Variants in SYCP2L observed in about 807,000 individuals in gnomAD.
The protein encoded by SYCP2L is synaptonemal complex protein 2 like.
In SYCP2L, 98 loss-of-function variants were observed where a neutral mutation model predicts 125.8. The observed-to-expected ratio is 0.78, with a 90% confidence interval of 0.66 to 0.92. The LOEUF is 0.92. SYCP2L is among the 40% of genes least tolerant of loss of function. SYCP2L has a pLI of 0.00. For synonymous variants in SYCP2L, 317 were observed against 325.4 expected, an observed-to-expected ratio of 0.97 and a Z score of 0.28; for missense variants, 842 against 936.4, an observed-to-expected ratio of 0.90 and a Z score of 1.32.
chr6:10,891,609 C>CCGTGTG (rs1554104115), intron 2 of SYCP2L, 28 bp downstream of exon 2: 2 of 717,860 alleles, frequency 2.8e-6, no homozygotes, highest in African/African-American at 4.7e-5. Context: ...TTTATAATCT[C>CCGTGTG]TCTCTGTGTG....
intron 12 of SYCP2L, 43 bp downstream of exon 12, chr6:10,910,912 GA>G: frequency 6.2e-7 from 1 of 1,607,000 alleles, no homozygotes; most frequent in Non-Finnish European, 8.5e-7. Flanking sequence ...GGTGTGCAGT[GA>G]AACCAGGAGT....
At chr6:10,887,235 C>T (rs1561676475) in intron 1 of SYCP2L, 100 bp downstream of exon 1, 3 of 1,513,118 alleles carry the variant, frequency 2.0e-6, no homozygotes, top group South Asian at 2.3e-5. Flanking sequence ...TTGAGGTGTT[C>T]GCTCAGAGAC....
chr6:10,897,824 T>C (rs989420347), intron 4 of SYCP2L, among the ~76,000 whole-genome samples, 187 bp from the exon 5 acceptor site: 5 of 152,192 alleles, frequency 3.3e-5, no homozygotes, highest in Non-Finnish European at 5.9e-5. Context: ...ATGACAGCTC[T>C]GTAGTAGTAT....
chr6:10,936,368 G>C (rs982632601), intron 21 of SYCP2L, among the ~76,000 whole-genome samples: 7 of 151,904 alleles, frequency 4.6e-5, no homozygotes, highest in African/African-American at 7.3e-5. Flanking sequence ...ATGGTGGCAG[G>C]CACCTGTAGT....
intron 1 of SYCP2L, among the ~76,000 whole-genome samples, chr6:10,889,064 A>G (rs1193228692): frequency 1.3e-5 from 2 of 151,838 alleles, no homozygotes; most frequent in Non-Finnish European, 2.9e-5. Flanking sequence ...GTTTCACCAT[A>G]TTGGACAGGC....
chr6:10,887,528 A>G (rs747474286), intron 1 of SYCP2L, among the ~76,000 whole-genome samples: 1 of 152,200 alleles, frequency 6.6e-6, no homozygotes, highest in Non-Finnish European at 1.5e-5. Context: ...TAACCGAACG[A>G]CAAAGGACAG....
At chr6:10,918,674 T>C (rs988218685) in intron 14 of SYCP2L, among the ~76,000 whole-genome samples, 4 of 151,992 alleles carry the variant, frequency 2.6e-5, no homozygotes, top group Non-Finnish European at 5.9e-5. Context: ...GTAGCTGGGA[T>C]TACAGGCACG....
chr6:10,891,328 G>A (rs574439105), intron 1 of SYCP2L, among the ~76,000 whole-genome samples, 185 bp from the exon 2 acceptor site: 1 of 150,914 alleles, frequency 6.6e-6, no homozygotes, highest in African/African-American at 2.4e-5. Flanking sequence ...GTTGGATAAA[G>A]TTTTTCTCTT....
chr6:10,962,503 G>C (rs995468812), intron 28 of SYCP2L, among the ~76,000 whole-genome samples: 2 of 151,942 alleles, frequency 1.3e-5, no homozygotes, highest in Non-Finnish European at 2.9e-5. Flanking sequence ...GGTTCTCCAA[G>C]GTCTTGGAAT....
In SYCP2L at chr6:10,912,990, G is replaced by C; in HGVS notation, c.1072+63G>C. 2 of 1,466,498 alleles carry C rather than the reference G, an allele frequency of 1.4e-6. No individual in the cohort carries two copies. The highest frequency in any genetic ancestry group is 2.3e-5 in the South Asian group (2 of 85,142). 90.8% of individuals were successfully genotyped at this position (1,466,498 alleles called of 1,614,324 possible). ...AAATATTATTTCTGTTGTATATGCA[G>C]TGTGTATTTATTTAATTCTAGGGCA... On this transcript the variant is annotated intron_variant, in intron 14 of 29. Coordinates refer to ENST00000283141, the MANE Select transcript of SYCP2L (RefSeq NM_001040274.3). The surrounding 1 kb of genome is among the most constrained non-coding windows in gnomAD (Gnocchi z 4.1).
At chr6:10,889,819 C>T (rs187076498) in intron 1 of SYCP2L, among the ~76,000 whole-genome samples, 1 of 152,080 alleles carries the variant, frequency 6.6e-6, no homozygotes, top group Non-Finnish European at 1.5e-5. Flanking sequence ...AGGGTTTTGT[C>T]ATGTTGGCCA....
intron 28 of SYCP2L, among the ~76,000 whole-genome samples, chr6:10,962,954 C>G (rs1781618968): frequency 6.6e-6 from 1 of 152,178 alleles, no homozygotes. Flanking sequence ...CCTTTGGTTT[C>G]TTAGGGTTTC....
At chr6:10,897,429 A>G (rs1217878892) in intron 4 of SYCP2L, among the ~76,000 whole-genome samples, 40 of 116,618 alleles carry the variant, frequency 3.4e-4, no homozygotes, top group Non-Finnish European at 4.6e-4. Flanking sequence ...TTTTTTTTGG[A>G]GGTGGGGTCT....
intron 1 of SYCP2L, among the ~76,000 whole-genome samples, chr6:10,889,820 A>G (rs371029508): frequency 6.6e-6 from 1 of 151,978 alleles, no homozygotes; most frequent in African/African-American, 2.4e-5. Flanking sequence ...GGGTTTTGTC[A>G]TGTTGGCCAG....
chr6:10,930,661 C>A, intron 19 of SYCP2L, 147 bp downstream of exon 19: 4 of 843,270 alleles, frequency 4.7e-6, no homozygotes, highest in Non-Finnish European at 7.2e-6. Flanking sequence ...ACTGGAAAGG[C>A]AAAATGTACT....
intron 14 of SYCP2L, among the ~76,000 whole-genome samples, chr6:10,919,481 G>T (rs1369386363): frequency 2.6e-5 from 4 of 152,222 alleles, no homozygotes; most frequent in African/African-American, 9.6e-5. Flanking sequence ...GGAGGTGGCA[G>T]TGGGGTGAAA....
intron 2 of SYCP2L, among the ~76,000 whole-genome samples, chr6:10,893,122 C>T (rs557528514): frequency 1.5e-5 from 2 of 131,406 alleles, no homozygotes; most frequent in South Asian, 4.5e-4. Flanking sequence ...TCTCCTGCCT[C>T]AGCCTTCCAA....
chr6:10,969,884 A>G (rs1781743161), intron 29 of SYCP2L, among the ~76,000 whole-genome samples: 1 of 152,216 alleles, frequency 6.6e-6, no homozygotes, highest in Admixed American at 6.5e-5. Flanking sequence ...AGTAGCATAT[A>G]TAACATGATC....
Position 10,942,594 on chromosome 6 carries a change from T to G in SYCP2L, c.1884+65T>G. The G allele has an allele frequency of 1.9e-6, 3 of 1,579,206 alleles. No homozygotes were observed. The South Asian group carries it at 3.4e-5, about 18-fold the overall frequency. ...ATTAATATCATATTTGCATAACACA[T>G]TGGCTATTCCTTCTGACGAGTACAC... On this transcript the variant is annotated intron_variant, in intron 22 of 29. Coordinates refer to ENST00000283141, the MANE Select transcript of SYCP2L (RefSeq NM_001040274.3).
Sources: gnomAD v4.1 joint callset for allele counts (sites outside exome capture counted in the v4.1 genomes callset) on GRCh38, gnomAD v4.1.1 for gene constraint, Gnocchi (gnomAD v3.1) non-coding constraint, MANE v1.5 for transcripts, NCBI Gene and HGNC (gene_info 2026-07-23, HGNC 2026-07-21) for gene names.